The following DST variants were observed in gnomAD, a reference collection of about 807,000 sequenced individuals.
DST encodes bullous pemphigoid antigen.
Under a neutral mutation model 875.2 loss-of-function variants are expected in DST, and 253 were observed. That is an observed-to-expected ratio of 0.29 (90% CI 0.26 to 0.32). The LOEUF (loss-of-function observed/expected upper bound fraction) is 0.32. Among genes scored for constraint, DST ranks in the 10% least tolerant of loss-of-function variants. DST has a pLI of 1.00. For synonymous variants in DST, 3,124 were observed against 3,197.1 expected, an observed-to-expected ratio of 0.98 and a Z score of 0.77; for missense variants, 8,287 against 9,111.6, an observed-to-expected ratio of 0.91 and a Z score of 3.68.
At chr6:56,540,076 C>T (rs1008651127) in intron 61 of DST, among the ~76,000 whole-genome samples, 1 of 152,206 alleles carries the variant, frequency 6.6e-6, no homozygotes, top group African/African-American at 2.4e-5. Flanking sequence ...ATCAATTCTT[C>T]TCCAAAACAG....
rs145787604 is a variant in DST, at chr6:56,733,756, G to GA, written c.687+1471dup. 0.015 allele frequency among the ~76,000 whole-genome samples: 2,172 copies of GA among 143,574 alleles called. 126 individuals carry two copies. In the East Asian group the frequency reaches 0.21, roughly 14 times the overall value. 94.2% of individuals were successfully genotyped at this position (143,574 alleles called of 152,430 possible). A position where few individuals can be genotyped will look rare whatever the true frequency, so the allele number is the denominator to read the frequency against. Reference sequence around the variant, plus strand: ...AACATAATATACCTTTTACAAAAATGAAAAAAAAAAGAATCCAGTAAAGAA... The same window carrying GA: ...AACATAATATACCTTTTACAAAAATGAAAAAAAAAAAGAATCCAGTAAAGAA... On this transcript the variant is annotated intron_variant, in intron 5 of 103. Coordinates refer to ENST00000680361, the MANE Select transcript of DST (RefSeq NM_001374736.1).
chr6:56,465,270 C>T (rs1453453229), intron 99 of DST, among the ~76,000 whole-genome samples: 1 of 152,056 alleles, frequency 6.6e-6, no homozygotes, highest in Non-Finnish European at 1.5e-5. Flanking sequence ...CACTTGGTAG[C>T]TGAAGGAGAC....
intron 55 of DST, among the ~76,000 whole-genome samples, 195 bp downstream of exon 55, chr6:56,568,274 A>G (rs928619051): frequency 6.6e-6 from 1 of 152,266 alleles, no homozygotes; most frequent in African/African-American, 2.4e-5. Context: ...AAAATAAAAC[A>G]TAAGAAGGAT....
chr6:56,609,303 T>C lies in DST; in HGVS notation c.5325A>G (p.Gly1775=), dbSNP rs373637072. The change falls in exon 40 of 104, where the codon GGA becomes GGG. Residue 1775 remains glycine (G), a synonymous_variant. Transcript: ENST00000680361. ...VIAGTIDQTT[G]EVLSVFQAVL... Reference sequence around the variant, plus strand: ...CTGCTTGAAAGACTGAAAGGACTTCTCCAGTTGTCTGATCAATGGTGCCTG... The same window carrying C: ...CTGCTTGAAAGACTGAAAGGACTTCCCCAGTTGTCTGATCAATGGTGCCTG... 1.2e-6 allele frequency: 2 copies of C among 1,612,826 alleles called. No homozygotes were observed. The highest frequency in any genetic ancestry group is 1.7e-6 in the Non-Finnish European group (2 of 1,179,410).
chr6:56,606,385 C>T lies in DST; in HGVS notation c.8243G>A (p.Gly2748Glu), dbSNP rs1046447851. The change falls in exon 40 of 104, where the codon GGA becomes GAA. Residue 2748 changes from glycine (G) to glutamate (E), a missense_variant. Around this residue, in one of 10 missense-constraint regions of DST, gnomAD observed 3,138 missense variants for 3,116.6 expected, o/e 1.01. Transcript: ENST00000680361. ...SDSLTDYDIVGGKESFTASLK... is the reference protein window; with the variant it reads ...SDSLTDYDIVEGKESFTASLK... ...TGATGCAGTGAAGCTCTCTTTTCCT[C>T]CTACAATATCATAATCAGTCAATGA... 1.2e-6 allele frequency: 2 copies of T among 1,613,330 alleles called. No individual in the cohort carries two copies. Among genetic ancestry groups the T allele is most frequent in the Non-Finnish European group, 1.7e-6 (2 of 1,179,568 alleles).
At chr6:56,533,652 CAATT>C (rs1318880615) in intron 63 of DST, among the ~76,000 whole-genome samples, 7 of 152,106 alleles carry the variant, frequency 4.6e-5, no homozygotes, top group Admixed American at 2.0e-4. Flanking sequence ...AAAGCAAAAT[CAATT>C]AATAGGTTTT....
chr6:56,708,699 T>C (rs929706139), intron 5 of DST, among the ~76,000 whole-genome samples: 1 of 152,170 alleles, frequency 6.6e-6, no homozygotes, highest in African/African-American at 2.4e-5. Context: ...AAGAGGATGC[T>C]ATTAAAAATT....
intron 4 of DST, among the ~76,000 whole-genome samples, chr6:56,836,218 G>A (rs531022659): frequency 1.3e-5 from 2 of 152,206 alleles, no homozygotes; most frequent in South Asian, 2.1e-4. Context: ...TATTTCTGCA[G>A]TATCTCCCAG....
intron 2 of DST, among the ~76,000 whole-genome samples, chr6:56,949,340 ACT>A (rs927975958): frequency 2.6e-5 from 4 of 152,070 alleles, no homozygotes; most frequent in Non-Finnish European, 5.9e-5. Flanking sequence ...GGTATGATAA[ACT>A]CTGTGAATAG....
intron 23 of DST, 79 bp from the exon 24 acceptor site, chr6:56,635,793 G>A (rs1289581521): frequency 2.7e-6 from 4 of 1,457,576 alleles, no homozygotes; most frequent in African/African-American, 1.4e-5. Flanking sequence ...CAATACCAAG[G>A]TCCTATGTGT....
chr6:56,494,990 T>C (rs1290905003), intron 82 of DST, among the ~76,000 whole-genome samples: 1 of 151,988 alleles, frequency 6.6e-6, no homozygotes, highest in Non-Finnish European at 1.5e-5. Context: ...ACTCATATAA[T>C]ATAAAATACA....
chr6:56,760,330 T>C (rs1248470312), intron 4 of DST, among the ~76,000 whole-genome samples: 1 of 152,232 alleles, frequency 6.6e-6, no homozygotes, highest in African/African-American at 2.4e-5. Flanking sequence ...ATGTATCTTA[T>C]TTAAAACTTA....
In DST at chr6:56,607,021, T is replaced by C. The variant is rs916472017; in HGVS notation, c.7607A>G (p.Lys2536Arg). 1 of 1,613,492 alleles carries C rather than the reference T, an allele frequency of 6.2e-7. No individual in the cohort carries two copies. Among genetic ancestry groups the C allele is most frequent in the African/African-American group, 1.3e-5 (1 of 75,020 alleles). The stretch of plus-strand genomic sequence containing the variant: ...CATCTGCTGAAAACCTGGATGTGTT[T>C]TTTCATCCTCACCAGAAGTATTTGA... ...YISNTSGEDE[K>R]THPGFQQMPE... Residue 2536 changes from lysine (K) to arginine (R), a missense_variant, in exon 40 of 104, where the codon AAA becomes AGA. Lys to Arg is a conservative substitution (Grantham distance 26, BLOSUM62 2). This residue lies in a region of DST where 3,138 missense variants were observed against 3,116.6 expected (regional missense o/e 1.01). Transcript: ENST00000680361.
chr6:56,641,149 G>GAGAGAGAGAGAGAGAGAGAGA (rs2098896058), intron 17 of DST, among the ~76,000 whole-genome samples: 1 of 149,834 alleles, frequency 6.7e-6, no homozygotes, highest in African/African-American at 2.5e-5. Flanking sequence ...GAGAGAGAGA[G>GAGAGAGAGAGAGAGAGAGAGA]GTTATAGCCT....
chr6:56,517,442 A>G, intron 70 of DST, 59 bp downstream of exon 70: 3 of 1,600,058 alleles, frequency 1.9e-6, no homozygotes, highest in Non-Finnish European at 1.7e-6. Context: ...AGCACATTTT[A>G]TAGAGTTGGA....
chr6:56,769,467 G>T (rs913517766), intron 4 of DST, among the ~76,000 whole-genome samples: 1 of 152,072 alleles, frequency 6.6e-6, no homozygotes, highest in Admixed American at 6.5e-5. Context: ...GGAAGGATGC[G>T]GGAACTCTGT....
At chr6:56,675,059 AACAG>A (rs2099121865) in intron 9 of DST, among the ~76,000 whole-genome samples, 3 of 152,260 alleles carry the variant, frequency 2.0e-5, no homozygotes, top group Admixed American at 6.5e-5. Context: ...CTGACACGAA[AACAG>A]ACAGACCAGT....
At chr6:56,601,872 G>C in intron 43 of DST, 196 bp from the exon 44 acceptor site, 1 of 492,672 alleles carries the variant, frequency 2.0e-6, no homozygotes, top group East Asian at 3.6e-5. Flanking sequence ...TACCATGGTA[G>C]TTAGTATTAT....
chr6:56,659,333 C>T (rs561848660), intron 10 of DST, among the ~76,000 whole-genome samples: 14 of 152,132 alleles, frequency 9.2e-5, no homozygotes, highest in Non-Finnish European at 2.1e-4. Flanking sequence ...AACAGGCAAT[C>T]TTGAAAAACT....
Sources: gnomAD v4.1 joint callset for allele counts (sites outside exome capture counted in the v4.1 genomes callset) on GRCh38, gnomAD v4.1.1 for gene constraint, gnomAD v4.1.1 regional missense constraint, MANE v1.5 for transcripts, NCBI Gene and HGNC (gene_info 2026-07-23, HGNC 2026-07-21) for gene names.